The following NRXN1 variants were observed in gnomAD, a reference collection of about 807,000 sequenced individuals.
The protein encoded by NRXN1 is neurexin 1.
In NRXN1, 39 loss-of-function variants were observed where a neutral mutation model predicts 150.9. The observed-to-expected ratio is 0.26, with a 90% CI of 0.20 to 0.34. NRXN1 has a LOEUF of 0.34. Ranked by LOEUF, NRXN1 falls within the 10% of genes least tolerant of loss-of-function variation. NRXN1 has a pLI of 1.00. For synonymous variants in NRXN1, 924 were observed against 757.0 expected, an observed-to-expected ratio of 1.22 and a Z score of -3.62; for missense variants, 1,815 against 1,949.9, an observed-to-expected ratio of 0.93 and a Z score of 1.30.
At chr2:50,311,129 A>G (rs2075145178) in intron 17 of NRXN1, among the ~76,000 whole-genome samples, 1 of 152,082 alleles carries the variant, frequency 6.6e-6, no homozygotes, top group African/African-American at 2.4e-5. Context: ...CTATTCTTCT[A>G]TTAGATAGGG....
intron 5 of NRXN1, among the ~76,000 whole-genome samples, chr2:50,817,320 C>A (rs1267018144): frequency 6.6e-6 from 1 of 151,912 alleles, no homozygotes; most frequent in Non-Finnish European, 1.5e-5. Flanking sequence ...AATATAAAAT[C>A]TGAACAGTTC....
In NRXN1 at chr2:50,925,922, G is replaced by A. The variant is rs202041551; in HGVS notation, c.790+16C>T. On this transcript the variant is annotated intron_variant, in intron 3 of 22. Transcript: ENST00000401669. ...GGACAAATGAGAGTTGGAAAAATAA[G>A]GTAGAAAGCACCCACCTTCCACATT... 4.5e-6 allele frequency: 7 copies of A among 1,565,766 alleles called. No individual in the cohort carries two copies. Among genetic ancestry groups the A allele is most frequent in the Non-Finnish European group, 6.1e-6 (7 of 1,152,534 alleles).
intron 21 of NRXN1, among the ~76,000 whole-genome samples, chr2:49,987,868 A>G (rs1328397250): frequency 6.6e-6 from 1 of 152,064 alleles, no homozygotes; most frequent in East Asian, 1.9e-4. Flanking sequence ...ATATCAGGCA[A>G]TATTTTAAGG....
intron 17 of NRXN1, among the ~76,000 whole-genome samples, chr2:50,461,657 G>C (rs773746811): frequency 6.6e-6 from 1 of 151,938 alleles, no homozygotes; most frequent in African/African-American, 2.4e-5. Flanking sequence ...CATAGTAAGT[G>C]CTCAGCAAAT....
chr2:50,347,539 C>A lies in NRXN1; in HGVS notation c.3365-110569G>T, dbSNP rs1033472987. ...GGCTCGCCCGCTAGCGCCAGCCTCC[C>A]CCGGGCAGCGCGCGGAGCAGCGGCG... On this transcript the variant is annotated intron_variant, in intron 17 of 22. Coordinates refer to ENST00000401669, the MANE Select transcript of NRXN1 (RefSeq NM_001330078.2). This position sits in a 1 kb window ranked among gnomAD's most constrained non-coding sequence, Gnocchi z 4.9. 2 of 1,043,426 alleles carry A rather than the reference C, an allele frequency of 1.9e-6. No individual in the cohort carries two copies. The highest frequency in any genetic ancestry group is 2.2e-4 in the East Asian group (2 of 9,160). The allele number at this position is 1,043,426 out of a possible 1,614,324, so 64.6% of individuals were successfully genotyped here.
chr2:50,319,228 T>C (rs1290887771), intron 17 of NRXN1, among the ~76,000 whole-genome samples: 1 of 152,174 alleles, frequency 6.6e-6, no homozygotes, highest in Non-Finnish European at 1.5e-5. Flanking sequence ...TTTTAGTTTG[T>C]ACTTCATTTT....
At chr2:50,979,731 A>G (rs1431368145) in intron 2 of NRXN1, among the ~76,000 whole-genome samples, 2 of 152,116 alleles carry the variant, frequency 1.3e-5, no homozygotes, top group African/African-American at 4.8e-5. Context: ...TTCTCAGAAG[A>G]AAAGGATTCT....
chr2:50,807,579 C>T (rs572239908), intron 5 of NRXN1, among the ~76,000 whole-genome samples: 29 of 152,156 alleles, frequency 1.9e-4, no homozygotes, highest in African/African-American at 6.5e-4. Context: ...AACAGTGTTT[C>T]CCCAGCAGAA....
chr2:50,202,728 G>A (rs2152835084), intron 18 of NRXN1, among the ~76,000 whole-genome samples: 1 of 152,150 alleles, frequency 6.6e-6, no homozygotes, highest in Middle Eastern at 3.4e-3. Flanking sequence ...GTATATTAGG[G>A]GAGGCAGACC....
At chr2:50,222,535 T>TA (rs1183824036) in intron 18 of NRXN1, among the ~76,000 whole-genome samples, 2 of 151,994 alleles carry the variant, frequency 1.3e-5, no homozygotes, top group African/African-American at 4.8e-5. Flanking sequence ...AATTTGTACA[T>TA]AAAAATATGC....
rs1358720371 is a variant in NRXN1, at chr2:50,347,554, G to A, written c.3365-110584C>T. On this transcript the variant is annotated intron_variant, in intron 17 of 22. Coordinates refer to ENST00000401669, the MANE Select transcript of NRXN1 (RefSeq NM_001330078.2). This position sits in a 1 kb window ranked among gnomAD's most constrained non-coding sequence, Gnocchi z 4.9. The stretch of plus-strand genomic sequence containing the variant: ...GCCAGCCTCCCCCGGGCAGCGCGCG[G>A]AGCAGCGGCGCGCATCGCCTGCTCC... The A allele has an allele frequency of 1.7e-5, 18 of 1,028,838 alleles. No homozygotes were observed. The highest frequency in any genetic ancestry group is 1.9e-5 in the Non-Finnish European group (16 of 855,982). 63.7% of individuals were successfully genotyped at this position (1,028,838 alleles called of 1,614,324 possible).
intron 2 of NRXN1, among the ~76,000 whole-genome samples, chr2:51,015,445 A>C (rs2105229837): frequency 6.6e-6 from 1 of 152,022 alleles, no homozygotes; most frequent in South Asian, 2.1e-4. Flanking sequence ...TCCAGGATGG[A>C]TAATGTCTTG....
intron 5 of NRXN1, among the ~76,000 whole-genome samples, chr2:50,896,485 A>C (rs960971303): frequency 2.0e-5 from 3 of 152,204 alleles, no homozygotes; most frequent in Non-Finnish European, 4.4e-5. Context: ...GTTTTCTAAA[A>C]AATAAACAAG....
At chr2:50,196,153 T>G (rs920041802) in intron 18 of NRXN1, among the ~76,000 whole-genome samples, 5 of 148,410 alleles carry the variant, frequency 3.4e-5, no homozygotes, top group Non-Finnish European at 7.6e-5. Flanking sequence ...TCTCAGGGTG[T>G]GTTGTTCCAC....
intron 8 of NRXN1, among the ~76,000 whole-genome samples, chr2:50,559,824 A>C (rs1194132356): frequency 6.6e-6 from 1 of 152,314 alleles, no homozygotes. Flanking sequence ...ATAATTTCAA[A>C]AAATTAGAAA....
At chr2:50,119,163 A>G (rs1703493798) in intron 18 of NRXN1, among the ~76,000 whole-genome samples, 1 of 152,182 alleles carries the variant, frequency 6.6e-6, no homozygotes, top group Admixed American at 6.5e-5. Flanking sequence ...TGACATAGCC[A>G]CTGCATCAAC....
intron 5 of NRXN1, among the ~76,000 whole-genome samples, chr2:50,889,316 G>A (rs944990681): frequency 6.6e-6 from 1 of 151,620 alleles, no homozygotes; most frequent in African/African-American, 2.4e-5. Context: ...AGTTATTTGT[G>A]TACTCTTGCA....
intron 5 of NRXN1, among the ~76,000 whole-genome samples, chr2:50,788,495 A>AAGG (rs1705463207): frequency 6.6e-6 from 1 of 152,058 alleles, no homozygotes; most frequent in Non-Finnish European, 1.5e-5. Context: ...GCTTCTGGAC[A>AAGG]AGGACAAGGT....
chr2:50,179,837 C>T (rs941949448), intron 18 of NRXN1, among the ~76,000 whole-genome samples: 1 of 152,176 alleles, frequency 6.6e-6, no homozygotes, highest in South Asian at 2.1e-4. Context: ...TAGAGCTAGA[C>T]GTCCAGGCAG....
Sources: allele counts gnomAD v4.1 joint callset (sites outside exome capture counted in the v4.1 genomes callset), GRCh38; gene constraint gnomAD v4.1.1; non-coding constraint Gnocchi (gnomAD v3.1); transcripts MANE v1.5; gene names NCBI Gene and HGNC (gene_info 2026-07-23, HGNC 2026-07-21).